Variants in ZFAND1 observed in about 807,000 individuals in gnomAD.
ZFAND1 encodes AN1-type zinc finger protein 1.
Under a neutral mutation model 38.5 loss-of-function variants are expected in ZFAND1, and 40 were observed. The observed-to-expected ratio is 1.04, with a 90% CI of 0.81 to 1.35. The LOEUF is 1.35. Ranked by LOEUF, ZFAND1 falls within the 40% of genes most tolerant of loss-of-function variation. The pLI is 0.00. For synonymous variants in ZFAND1, 117 were observed against 103.6 expected (o/e 1.13, Z -0.78); for missense variants, 346 against 316.3 (o/e 1.09, Z -0.71).
intron 1 of ZFAND1, 26 bp from the exon 2 acceptor site, chr8:81,718,250 C>A (rs1487845374): frequency 6.6e-7 from 1 of 1,518,246 alleles, no homozygotes; most frequent in Non-Finnish European, 8.9e-7. Context: ...AATGTATATA[C>A]TGGTCAGTAT....
At chr8:81,711,173 G>T (rs1808129917) in intron 6 of ZFAND1, among the ~76,000 whole-genome samples, 1 of 152,140 alleles carries the variant, frequency 6.6e-6, no homozygotes, top group Admixed American at 6.5e-5. Flanking sequence ...CAGCACTTTG[G>T]GAGGCAGAGG....
At chr8:81,719,583 T>C (rs1163041067) in intron 1 of ZFAND1, among the ~76,000 whole-genome samples, 2 of 152,114 alleles carry the variant, frequency 1.3e-5, no homozygotes, top group Admixed American at 1.3e-4. Flanking sequence ...TTTGCGACTT[T>C]TAATAATCAA....
chr8:81,717,412 A>G, intron 2 of ZFAND1, 124 bp from the exon 3 acceptor site: 1 of 606,216 alleles, frequency 1.6e-6, no homozygotes, highest in South Asian at 5.9e-5. Flanking sequence ...AATAACTTTG[A>G]ATATGAGAAA....
chr8:81,713,266 GC>G lies in ZFAND1; in HGVS notation c.480+651del, dbSNP rs1563607706. ...GCGTCCCGAGTAGCTGGGACTACAG[GC>G]GCCCACCACCACACCTGGCTAATTT... On this transcript the variant is annotated intron_variant, in intron 6 of 7. Transcript: ENST00000220669. Among the ~76,000 whole-genome samples the G allele has an allele frequency of 7.7e-3, 267 of 34,748 alleles. 2 individuals are homozygous for G. Among genetic ancestry groups the G allele is most frequent in the African/African-American group, 0.024 (249 of 10,448 alleles). The allele number at this position is 34,748 out of a possible 152,430, so 22.8% of individuals were successfully genotyped here. A position where few individuals can be genotyped will look rare whatever the true frequency, so the allele number is the denominator to read the frequency against.
chr8:81,704,538 C>CAA (rs58216047), intron 6 of ZFAND1, among the ~76,000 whole-genome samples: 4,505 of 105,186 alleles, frequency 0.043, 89 homozygotes, highest in East Asian at 0.12. Flanking sequence ...GACCCTATTT[C>CAA]AAAAAAAAAA....
chr8:81,703,452 T>A (rs972848358), intron 6 of ZFAND1, among the ~76,000 whole-genome samples: 3 of 152,226 alleles, frequency 2.0e-5, no homozygotes, highest in Non-Finnish European at 4.4e-5. Flanking sequence ...AGAGGGAGTT[T>A]CGCTCTTGTT....
rs1049143585 is a variant in ZFAND1 at position 81,702,854 on chromosome 8, C to CA, written c.647dup (p.Cys217ValfsTer21). The CA allele has an allele frequency of 3.1e-6, 5 of 1,590,396 alleles. No individual in the cohort carries two copies. In the African/African-American group the frequency reaches 6.8e-5, roughly 22 times the overall value. On this transcript the variant is annotated frameshift_variant, in exon 8 of 8. Transcript: ENST00000220669. LOFTEE classifies it high-confidence loss of function. ...AGGCTTCTCCTGAAGTAATGTGACA[C>CA]AGCCTTAATTTCTGTGAAGGGAGAA... is the stretch of plus-strand genomic sequence containing the variant.
chr8:81,708,630 C>G (rs1461019591), intron 6 of ZFAND1, among the ~76,000 whole-genome samples: 1 of 152,040 alleles, frequency 6.6e-6, no homozygotes, highest in African/African-American at 2.4e-5. Flanking sequence ...CAGGAAAATA[C>G]AAATTAAAGC....
intron 6 of ZFAND1, among the ~76,000 whole-genome samples, chr8:81,709,367 G>C (rs926346988): frequency 6.6e-6 from 1 of 151,998 alleles, no homozygotes; most frequent in Non-Finnish European, 1.5e-5. Flanking sequence ...AGGAACTCTA[G>C]GTTCATAAGG....
Position 81,702,765 on chromosome 8 carries a change from C to CCACCATTAT in ZFAND1, c.728_736dup (p.Gly245_Gly246insAspAsnGly), listed in dbSNP as rs1807848434. 6 of 1,603,344 alleles carry CCACCATTAT rather than the reference C, an allele frequency of 3.7e-6. No individual in the cohort carries two copies. The highest frequency in any genetic ancestry group is 5.1e-6 in the Non-Finnish European group (6 of 1,175,450). On this transcript the variant is annotated inframe_insertion, in exon 8 of 8. Coordinates refer to ENST00000220669, the MANE Select transcript of ZFAND1 (RefSeq NM_024699.3). ...ATTAAGATATTCCAAGATTATATTT[C>CCACCATTAT]CACCATTATATAAAGGACAATCCTC...
In ZFAND1 at chr8:81,714,043, A is replaced by C; in HGVS notation, c.359-4T>G. On this transcript the variant is annotated splice_region_variant and splice_polypyrimidine_tract_variant and intron_variant, in intron 5 of 7. Transcript: ENST00000220669. ...GCTGTTTCTCCTGTCTTGGAATCTA[A>C]GAAGTGTAAGCATGTAATCACATAA... 1.9e-6 allele frequency: 3 copies of C among 1,602,084 alleles called. No individual in the cohort carries two copies. The highest frequency in any genetic ancestry group is 8.5e-7 in the Non-Finnish European group (1 of 1,175,986).
At chr8:81,708,928 G>A (rs565451796) in intron 6 of ZFAND1, 160 of 360,934 alleles carry the variant, frequency 4.4e-4, no homozygotes, top group Non-Finnish European at 6.2e-4. Flanking sequence ...TAGGCAATCC[G>A]TCAATGAAAT....
In ZFAND1 at chr8:81,702,145, C is replaced by T. The variant is rs1303351938; in HGVS notation, c.*550G>A. On this transcript the variant is annotated 3_prime_UTR_variant, in exon 8 of 8. Transcript: ENST00000220669. ...CTGAATAAAGATCACTTCTAAGTTT[C>T]TATAATTCATGTAGATATATCAATT... 6.6e-6 allele frequency: 1 copy of T among 152,122 alleles called. No homozygotes were observed. Among genetic ancestry groups the T allele is most frequent in the African/African-American group, 2.4e-5 (1 of 41,420 alleles). 9.4% of individuals were successfully genotyped at this position (152,122 alleles called of 1,614,324 possible). A position where few individuals can be genotyped will look rare whatever the true frequency, so the allele number is the denominator to read the frequency against.
intron 6 of ZFAND1, among the ~76,000 whole-genome samples, chr8:81,712,706 C>T (rs1393066221): frequency 6.6e-6 from 1 of 152,024 alleles, no homozygotes; most frequent in Non-Finnish European, 1.5e-5. Context: ...TATAATTACA[C>T]ATAAAAGGAA....
intron 6 of ZFAND1, among the ~76,000 whole-genome samples, chr8:81,703,343 G>A (rs973067329): frequency 8.5e-5 from 13 of 152,098 alleles, no homozygotes; most frequent in African/African-American, 2.9e-4. Context: ...ACAGATATGT[G>A]GCCTAAGTTA....
chr8:81,714,983 T>C lies in ZFAND1; in HGVS notation c.266+4A>G, dbSNP rs1467898282. On this transcript the variant is annotated splice_donor_region_variant and intron_variant, in intron 4 of 7. Transcript: ENST00000220669. Reference sequence around the variant, plus strand: ...AAGTGTGAACAGCCTAAGTGATCAATCACCTCAGGCAAAAATTCTTCTCAC... The same window carrying C: ...AAGTGTGAACAGCCTAAGTGATCAACCACCTCAGGCAAAAATTCTTCTCAC... The C allele has an allele frequency of 6.2e-7, 1 of 1,614,036 alleles. No individual in the cohort carries two copies. Among genetic ancestry groups the C allele is most frequent in the East Asian group, 2.2e-5 (1 of 44,860 alleles).
chr8:81,713,874 C>G (rs199795026), intron 6 of ZFAND1, 44 bp downstream of exon 6: 2 of 1,600,736 alleles, frequency 1.2e-6, no homozygotes, highest in Non-Finnish European at 1.7e-6. Flanking sequence ...AGGACTTCAA[C>G]TATATTTGAA....
intron 6 of ZFAND1, chr8:81,708,692 T>C (rs920594788): frequency 3.3e-6 from 3 of 918,594 alleles, no homozygotes; most frequent in African/African-American, 3.6e-5. Flanking sequence ...TTAAAAAGAA[T>C]GCTAATAGCT....
chr8:81,706,353 C>T (rs955040140), intron 6 of ZFAND1, among the ~76,000 whole-genome samples: 3 of 96,320 alleles, frequency 3.1e-5, no homozygotes, highest in Admixed American at 1.3e-4. Flanking sequence ...TACAAGTAAG[C>T]CCTAAGGAAG....
Sources: allele counts gnomAD v4.1 joint callset (sites outside exome capture counted in the v4.1 genomes callset), GRCh38; gene constraint gnomAD v4.1.1; transcripts MANE v1.5; gene names NCBI Gene and HGNC (gene_info 2026-07-23, HGNC 2026-07-21).